The following ACER3 variants were observed in gnomAD, a reference collection of about 807,000 sequenced individuals.
ACER3 encodes the protein alkaline ceramidase 3, also known as alkCDase 3.
A neutral mutation model predicts 48.9 loss-of-function variants in ACER3; 16 were observed. The observed-to-expected ratio is 0.33, with a 90% CI of 0.22 to 0.50. The LOEUF is 0.50. ACER3 is among the 20% of genes least tolerant of loss of function. The pLI is 0.98. For missense variants in ACER3, 227 were observed against 326.0 expected (o/e 0.70, Z 2.34); for synonymous variants, 109 against 107.8 (o/e 1.01, Z -0.07).
At position 76,966,522 on chromosome 11, in the gene ACER3, C is replaced by A. The variant is rs1948142429; in HGVS notation, c.267+7491C>A. Among the ~76,000 whole-genome samples the A allele has an allele frequency of 3.3e-5, 5 of 151,222 alleles. No individual in the cohort carries two copies. The South Asian group carries it at 1.0e-3, about 31-fold the overall frequency. On this transcript the variant is annotated intron_variant, in intron 3 of 10. Transcript: ENST00000532485. ...AGAATATACATTCTTTTCAGCACCA[C>A]ACCACCCCTATTCCAAAATTGACCA... is the stretch of plus-strand genomic sequence containing the variant.
chr11:76,865,116 C>T (rs1301763441), intron 1 of ACER3, among the ~76,000 whole-genome samples: 2 of 148,742 alleles, frequency 1.3e-5, no homozygotes, highest in Non-Finnish European at 3.0e-5. Context: ...GGACTACAGG[C>T]GTGTGCCACC....
chr11:76,950,352 CATATATATATATATATATATAT>C lies in ACER3; in HGVS notation c.215-8589_215-8568del, dbSNP rs774580764. On this transcript the variant is annotated intron_variant, in intron 2 of 10. Transcript: ENST00000532485. ...GTTTTAAACAGGAGAGTGACATGAT[CATATATATATATATATATATAT>C]ATATATATATATATATATATATATA... is the stretch of plus-strand genomic sequence containing the variant. Among the ~76,000 whole-genome samples, 267 of 36,022 alleles carry C rather than the reference CATATATATATATATATATATAT, an allele frequency of 7.4e-3. 1 individual carries two copies. Among genetic ancestry groups the C allele is most frequent in the African/African-American group, 0.01 (243 of 23,390 alleles). 23.6% of individuals were successfully genotyped at this position (36,022 alleles called of 152,430 possible). A position where few individuals can be genotyped will look rare whatever the true frequency, so the allele number is the denominator to read the frequency against.
intron 1 of ACER3, among the ~76,000 whole-genome samples, chr11:76,883,073 C>T (rs1389557755): frequency 6.6e-6 from 1 of 152,180 alleles, no homozygotes; most frequent in East Asian, 1.9e-4. Flanking sequence ...ACTGTGTCAG[C>T]TGCACTTATC....
intron 1 of ACER3, among the ~76,000 whole-genome samples, chr11:76,876,702 G>C (rs1256633377): frequency 6.6e-6 from 1 of 152,156 alleles, no homozygotes; most frequent in Non-Finnish European, 1.5e-5. Context: ...AACATTTAGT[G>C]TCAATTTTTC....
At chr11:76,914,945 A>G (rs1965152) in intron 1 of ACER3, among the ~76,000 whole-genome samples, 106,436 of 151,940 alleles carry the variant, frequency 0.7, 37,566 homozygotes, top group Non-Finnish European at 0.74. Flanking sequence ...ACTATCACAA[A>G]GACAAAAAAC....
chr11:76,967,796 AT>A (rs1425292191), intron 3 of ACER3, among the ~76,000 whole-genome samples: 1 of 152,228 alleles, frequency 6.6e-6, no homozygotes, highest in East Asian at 1.9e-4. Context: ...ATATCTCAAA[AT>A]AATAAGAGCT....
At chr11:76,894,806 A>G (rs1945889404) in intron 1 of ACER3, among the ~76,000 whole-genome samples, 1 of 152,210 alleles carries the variant, frequency 6.6e-6, no homozygotes, top group South Asian at 2.1e-4. Flanking sequence ...AAACAGTATA[A>G]CAAAAGAAGG....
At chr11:76,973,821 G>A (rs1270556857) in intron 3 of ACER3, among the ~76,000 whole-genome samples, 2 of 152,058 alleles carry the variant, frequency 1.3e-5, no homozygotes, top group East Asian at 1.9e-4. Flanking sequence ...ATCCAAGGTC[G>A]TGAAGATTTA....
intron 4 of ACER3, chr11:76,978,255 G>C (rs1244220451): frequency 6.6e-6 from 1 of 152,330 alleles, no homozygotes; most frequent in East Asian, 1.9e-4. Flanking sequence ...TCCGGGTGGA[G>C]TCTGTGGCCC....
chr11:76,925,288 G>A (rs1946799778), intron 1 of ACER3, among the ~76,000 whole-genome samples: 1 of 152,070 alleles, frequency 6.6e-6, no homozygotes, highest in African/African-American at 2.4e-5. Flanking sequence ...ACCTGCACTT[G>A]TAAATATATA....
At chr11:76,884,770 T>A (rs1422015770) in intron 1 of ACER3, among the ~76,000 whole-genome samples, 2 of 152,144 alleles carry the variant, frequency 1.3e-5, no homozygotes, top group Non-Finnish European at 2.9e-5. Context: ...TTTTCTTTTT[T>A]AATTTTTTTT....
intron 1 of ACER3, among the ~76,000 whole-genome samples, chr11:76,901,239 G>A (rs2134669550): frequency 6.6e-6 from 1 of 150,726 alleles, no homozygotes; most frequent in East Asian, 2.0e-4. Context: ...TTCTCAGTGG[G>A]CAGAGGCATT....
At chr11:76,934,397 CATTGAGCACT>C (rs1947112924) in intron 2 of ACER3, among the ~76,000 whole-genome samples, 1 of 152,230 alleles carries the variant, frequency 6.6e-6, no homozygotes, top group Non-Finnish European at 1.5e-5. Flanking sequence ...GCCTGGGCAC[CATTGAGCACT>C]GAGTGAACGA....
At chr11:76,862,546 G>T (rs1006737132) in intron 1 of ACER3, among the ~76,000 whole-genome samples, 2 of 152,140 alleles carry the variant, frequency 1.3e-5, no homozygotes, top group African/African-American at 4.8e-5. Context: ...ATGACCACGA[G>T]GAAAGAGATG....
In ACER3 at chr11:76,895,015, C is replaced by T. The variant is rs183175318; in HGVS notation, c.104-31542C>T. Among the ~76,000 whole-genome samples, 14 of 152,048 alleles carry T rather than the reference C, an allele frequency of 9.2e-5. No homozygotes were observed. In the South Asian group the frequency reaches 1.9e-3, roughly 20 times the overall value. On this transcript the variant is annotated intron_variant, in intron 1 of 10. Transcript: ENST00000532485. ...TGCAGTGGTCATGGAGTGTTTTTTC[C>T]CCCAGTAGTTTTAATACTTTATTAT... is the stretch of plus-strand genomic sequence containing the variant.
chr11:76,905,101 C>T (rs750145223), intron 1 of ACER3, among the ~76,000 whole-genome samples: 5 of 152,148 alleles, frequency 3.3e-5, no homozygotes, highest in Non-Finnish European at 7.4e-5. Context: ...ATCCACTCAC[C>T]TCGGCCTCCC....
intron 1 of ACER3, among the ~76,000 whole-genome samples, chr11:76,862,285 CAA>C (rs11325230): frequency 0.52 from 75,831 of 145,136 alleles, 22,212 homozygotes; most frequent in Non-Finnish European, 0.68. Context: ...GGCTAAGTTT[CAA>C]AAAAAAAAAA....
intron 2 of ACER3, among the ~76,000 whole-genome samples, chr11:76,955,780 TTCAGTACATA>T (rs1479191179): frequency 3.3e-5 from 5 of 152,144 alleles, no homozygotes; most frequent in African/African-American, 1.2e-4. Context: ...CATAGAAACA[TTCAGTACATA>T]GCAATGTCCA....
At chr11:76,992,823 G>A (rs898807809) in intron 6 of ACER3, among the ~76,000 whole-genome samples, 2 of 151,460 alleles carry the variant, frequency 1.3e-5, no homozygotes, top group African/African-American at 2.4e-5. Context: ...CCCTGGACAA[G>A]TTAGTTAACC....
Sources: gnomAD v4.1 joint callset for allele counts (sites outside exome capture counted in the v4.1 genomes callset) on GRCh38, gnomAD v4.1.1 for gene constraint, MANE v1.5 for transcripts, NCBI Gene and HGNC (gene_info 2026-07-23, HGNC 2026-07-21) for gene names.